PIP4K2A: variants seen among roughly 807,000 people sequenced by gnomAD.
PIP4K2A encodes phosphatidylinositol 5-phosphate 4-kinase type-2 alpha.
A neutral mutation model predicts 42.9 loss-of-function variants in PIP4K2A; 14 were observed. The observed-to-expected ratio is 0.33, with a 90% CI of 0.22 to 0.51. The LOEUF (loss-of-function observed/expected upper bound fraction) is 0.51. Among genes scored for constraint, PIP4K2A ranks in the 20% least tolerant of loss-of-function variants. PIP4K2A has a pLI of 0.97. For missense variants in PIP4K2A, 434 were observed against 519.8 expected, an observed-to-expected ratio of 0.83 and a Z score of 1.61; for synonymous variants, 192 against 192.2, an observed-to-expected ratio of 1.00 and a Z score of 0.01.
At chr10:22,703,651 C>T (rs1833757555) in intron 1 of PIP4K2A, among the ~76,000 whole-genome samples, 1 of 152,162 alleles carries the variant, frequency 6.6e-6, no homozygotes, top group African/African-American at 2.4e-5. Flanking sequence ...AATGTAAAGC[C>T]TTTGGAAGGT....
intron 1 of PIP4K2A, among the ~76,000 whole-genome samples, chr10:22,648,564 A>G (rs778032063): frequency 6.6e-6 from 1 of 152,166 alleles, no homozygotes; most frequent in Non-Finnish European, 1.5e-5. Flanking sequence ...CTGTCATTTC[A>G]TACTATCTCT....
intron 1 of PIP4K2A, among the ~76,000 whole-genome samples, chr10:22,642,376 C>T (rs1213721329): frequency 6.6e-6 from 1 of 152,030 alleles, no homozygotes; most frequent in African/African-American, 2.4e-5. Flanking sequence ...TAAAATCATA[C>T]CAACAAAGAA....
chr10:22,665,819 C>T (rs1008260292), intron 1 of PIP4K2A, among the ~76,000 whole-genome samples: 1 of 151,478 alleles, frequency 6.6e-6, no homozygotes, highest in Non-Finnish European at 1.5e-5. Context: ...TAGACATACA[C>T]ATATATATAC....
At chr10:22,541,535 C>T (rs1352447326) in intron 8 of PIP4K2A, among the ~76,000 whole-genome samples, 6 of 152,124 alleles carry the variant, frequency 3.9e-5, no homozygotes, top group Non-Finnish European at 8.8e-5. Flanking sequence ...TGCATATGTA[C>T]AGGTGTGTTG....
intron 1 of PIP4K2A, among the ~76,000 whole-genome samples, chr10:22,623,217 T>G (rs1487088106): frequency 6.6e-6 from 1 of 152,000 alleles, no homozygotes; most frequent in African/African-American, 2.4e-5. Context: ...TGAAACTCAC[T>G]GAGAAAGCAC....
At chr10:22,632,086 C>A (rs1304763291) in intron 1 of PIP4K2A, among the ~76,000 whole-genome samples, 1 of 152,146 alleles carries the variant, frequency 6.6e-6, no homozygotes, top group East Asian at 1.9e-4. Flanking sequence ...AATAACCAGT[C>A]TTCATGAAAA....
chr10:22,566,330 A>AT (rs1836846659), intron 6 of PIP4K2A, among the ~76,000 whole-genome samples: 1 of 152,120 alleles, frequency 6.6e-6, no homozygotes, highest in Admixed American at 6.5e-5. Context: ...ACCTATGTGA[A>AT]TATCGGGGCA....
chr10:22,560,149 C>G (rs906258404), intron 6 of PIP4K2A, among the ~76,000 whole-genome samples: 4 of 152,138 alleles, frequency 2.6e-5, no homozygotes, highest in Non-Finnish European at 4.4e-5. Flanking sequence ...TCCCTTCTAT[C>G]TCGGAAGAAA....
chr10:22,676,255 A>G (rs1412616489), intron 1 of PIP4K2A, among the ~76,000 whole-genome samples: 1 of 152,142 alleles, frequency 6.6e-6, no homozygotes, highest in Non-Finnish European at 1.5e-5. Flanking sequence ...AACAGCAAAT[A>G]AAGTTAAGAC....
chr10:22,565,340 G>C (rs1836820948), intron 6 of PIP4K2A, among the ~76,000 whole-genome samples: 1 of 152,222 alleles, frequency 6.6e-6, no homozygotes, highest in Admixed American at 6.5e-5. Flanking sequence ...AGCCATGACA[G>C]AAGAACGTGG....
chr10:22,677,391 G>A (rs1056015784), intron 1 of PIP4K2A, among the ~76,000 whole-genome samples: 7 of 152,302 alleles, frequency 4.6e-5, no homozygotes, highest in South Asian at 2.1e-4. Flanking sequence ...TAGGGCTAGC[G>A]CGAGGGTCTG....
At chr10:22,580,168 C>A (rs771930900) in intron 4 of PIP4K2A, among the ~76,000 whole-genome samples, 4 of 151,950 alleles carry the variant, frequency 2.6e-5, no homozygotes, top group South Asian at 4.1e-4. Flanking sequence ...ATTTCAAGGA[C>A]TCTCCATAAT....
intron 1 of PIP4K2A, among the ~76,000 whole-genome samples, chr10:22,641,602 CAGAT>C (rs374151526): frequency 2.0e-4 from 31 of 151,364 alleles, no homozygotes; most frequent in African/African-American, 7.3e-4. Context: ...CAACCACACT[CAGAT>C]AGGTTTTTTT....
intron 1 of PIP4K2A, among the ~76,000 whole-genome samples, chr10:22,664,122 TATATATAC>T (rs1839281029): frequency 3.0e-5 from 2 of 66,678 alleles, no homozygotes; most frequent in African/African-American, 2.7e-4. Flanking sequence ...TATACATATA[TATATATAC>T]ATATATATAT....
chr10:22,584,020 T>G (rs1474129940), intron 4 of PIP4K2A, among the ~76,000 whole-genome samples: 1 of 152,212 alleles, frequency 6.6e-6, no homozygotes, highest in East Asian at 1.9e-4. Flanking sequence ...ACTTCTTTCC[T>G]CTTCCCTACA....
intron 6 of PIP4K2A, among the ~76,000 whole-genome samples, chr10:22,558,973 T>C (rs1411276501): frequency 6.6e-6 from 1 of 152,222 alleles, no homozygotes; most frequent in African/African-American, 2.4e-5. Context: ...TATGTGGTAA[T>C]GTCAAAGGTG....
chr10:22,626,088 T>A (rs982764445), intron 1 of PIP4K2A, among the ~76,000 whole-genome samples: 1 of 152,118 alleles, frequency 6.6e-6, no homozygotes, highest in Non-Finnish European at 1.5e-5. Flanking sequence ...GTGGTCCCGC[T>A]GAGTCTTTCC....
chr10:22,683,246 T>G (rs975211754), intron 1 of PIP4K2A, among the ~76,000 whole-genome samples: 1 of 152,228 alleles, frequency 6.6e-6, no homozygotes, highest in Admixed American at 6.5e-5. Flanking sequence ...TTATGAGTTC[T>G]GCTCATACCA....
chr10:22,693,194 A>C (rs1425769929), intron 1 of PIP4K2A, among the ~76,000 whole-genome samples: 1 of 152,228 alleles, frequency 6.6e-6, no homozygotes, highest in Non-Finnish European at 1.5e-5. Flanking sequence ...TTCAAACCTA[A>C]GTTTCAAGTT....
Sources: gnomAD v4.1 joint callset for allele counts (sites outside exome capture counted in the v4.1 genomes callset) on GRCh38, gnomAD v4.1.1 for gene constraint, MANE v1.5 for transcripts, NCBI Gene and HGNC (gene_info 2026-07-23, HGNC 2026-07-21) for gene names.